LRMDA: variants seen among roughly 807,000 people sequenced by gnomAD.
The protein encoded by LRMDA is leucine-rich melanocyte differentiation-associated protein.
Under a neutral mutation model 29.8 loss-of-function variants are expected in LRMDA, and 18 were observed. That is an observed-to-expected ratio of 0.60 (90% CI 0.42 to 0.90). The LOEUF (loss-of-function observed/expected upper bound fraction) is 0.90. LRMDA is among the 40% of genes least tolerant of loss of function. LRMDA has a pLI of 0.00. For missense variants in LRMDA, 273 were observed against 273.9 expected (o/e 1.00, Z 0.02); for synonymous variants, 125 against 109.4 (o/e 1.14, Z -0.89).
chr10:75,855,019 A>C (rs1844800381), intron 2 of LRMDA, among the ~76,000 whole-genome samples: 2 of 152,188 alleles, frequency 1.3e-5, no homozygotes, highest in Non-Finnish European at 2.9e-5. Flanking sequence ...ATAGTGCTGC[A>C]ATAAACATAC....
At chr10:76,257,061 A>T (rs1852608326) in intron 5 of LRMDA, among the ~76,000 whole-genome samples, 1 of 152,222 alleles carries the variant, frequency 6.6e-6, no homozygotes, top group Non-Finnish European at 1.5e-5. Flanking sequence ...AAAATAAAAT[A>T]CAAACCATGA....
intron 2 of LRMDA, among the ~76,000 whole-genome samples, chr10:75,780,020 G>A (rs549262946): frequency 6.6e-6 from 1 of 152,270 alleles, no homozygotes; most frequent in Admixed American, 6.5e-5. Flanking sequence ...ACAGAGGGAA[G>A]AAGGCCATAT....
At chr10:76,213,331 A>G (rs1851669732) in intron 5 of LRMDA, among the ~76,000 whole-genome samples, 2 of 152,146 alleles carry the variant, frequency 1.3e-5, no homozygotes, top group African/African-American at 4.8e-5. Context: ...TGCCTTGGTA[A>G]TTTTACCCAA....
intron 2 of LRMDA, among the ~76,000 whole-genome samples, chr10:75,752,208 C>CCT (rs1842977693): frequency 8.8e-6 from 1 of 113,136 alleles, no homozygotes; most frequent in South Asian, 2.9e-4. Flanking sequence ...TAACGTGTCT[C>CCT]TTTTTTTTTT....
intron 2 of LRMDA, among the ~76,000 whole-genome samples, chr10:75,952,823 C>T (rs554711999): frequency 1.7e-4 from 26 of 152,064 alleles, no homozygotes; most frequent in African/African-American, 4.6e-4. Flanking sequence ...GTGGTGCTCT[C>T]GGCTCACTGC....
At chr10:75,933,819 G>A (rs1206559953) in intron 2 of LRMDA, among the ~76,000 whole-genome samples, 1 of 152,138 alleles carries the variant, frequency 6.6e-6, no homozygotes, top group Non-Finnish European at 1.5e-5. Context: ...CCTGCTGAAT[G>A]GGCTTTGTTC....
chr10:75,850,047 G>A (rs184387766), intron 2 of LRMDA, among the ~76,000 whole-genome samples: 1 of 152,312 alleles, frequency 6.6e-6, no homozygotes, highest in African/African-American at 2.4e-5. Context: ...AGATCATTAT[G>A]ATGATAAACA....
intron 2 of LRMDA, among the ~76,000 whole-genome samples, chr10:75,943,180 AG>A (rs1846423848): frequency 6.6e-6 from 1 of 151,480 alleles, no homozygotes; most frequent in Non-Finnish European, 1.5e-5. Context: ...AAAAAAAAAA[AG>A]GACTATGAGA....
chr10:75,799,811 A>G (rs2132259819), intron 2 of LRMDA, among the ~76,000 whole-genome samples: 1 of 152,022 alleles, frequency 6.6e-6, no homozygotes. Context: ...GGAGTTTATG[A>G]AAACTTTTTG....
intron 2 of LRMDA, among the ~76,000 whole-genome samples, chr10:75,718,115 T>C (rs1452103705): frequency 6.6e-6 from 1 of 152,198 alleles, no homozygotes; most frequent in Non-Finnish European, 1.5e-5. Context: ...TTCAATCTTA[T>C]TTGCACCATT....
chr10:76,240,256 A>G (rs1852247838), intron 5 of LRMDA, among the ~76,000 whole-genome samples: 1 of 151,444 alleles, frequency 6.6e-6, no homozygotes, highest in African/African-American at 2.4e-5. Context: ...TAACTATAAA[A>G]AGGAATGAAA....
rs141148714 is a variant in LRMDA at position 75,565,580 on chromosome 10, C to T, written c.131+127086C>T. 6.1e-3 allele frequency among the ~76,000 whole-genome samples: 914 copies of T among 150,640 alleles called. 2 individuals carry two copies. The highest frequency in any genetic ancestry group is 0.015 in the Admixed American group (224 of 15,148). ...GATGACTTGGAGGTGCTGAAGTATGCGAGAGAACTGCATTGTGGGAGGAGC... is the reference window on the plus strand; with the variant it reads ...GATGACTTGGAGGTGCTGAAGTATGTGAGAGAACTGCATTGTGGGAGGAGC... On this transcript the variant is annotated intron_variant, in intron 2 of 6. Transcript: ENST00000611255.
intron 5 of LRMDA, among the ~76,000 whole-genome samples, chr10:76,218,972 C>T (rs1270731339): frequency 6.6e-6 from 1 of 152,140 alleles, no homozygotes; most frequent in Admixed American, 6.5e-5. Flanking sequence ...CCAAATACAT[C>T]CAAATACAAA....
intron 5 of LRMDA, among the ~76,000 whole-genome samples, chr10:76,116,819 T>C (rs1849674912): frequency 1.3e-5 from 2 of 152,164 alleles, no homozygotes; most frequent in Non-Finnish European, 2.9e-5. Flanking sequence ...GCCTGGCTTC[T>C]CTTCTTCCAC....
intron 2 of LRMDA, among the ~76,000 whole-genome samples, chr10:75,667,851 A>C (rs1167645568): frequency 1.3e-5 from 2 of 152,206 alleles, no homozygotes; most frequent in Non-Finnish European, 2.9e-5. Context: ...TCATTCTTTA[A>C]AGCAGAGTTT....
chr10:75,772,853 T>C (rs1843259834), intron 2 of LRMDA, among the ~76,000 whole-genome samples: 1 of 18,260 alleles, frequency 5.5e-5, no homozygotes, highest in Non-Finnish European at 1.3e-4. Flanking sequence ...ATTCTTATTT[T>C]TTGGGGGGGG....
rs79944401 is a variant in LRMDA at position 75,979,576 on chromosome 10, A to G, written c.132-56432A>G. ...AGGATAGGGTTAAGTAATTTTCCCA[A>G]CATCCCGTGGGGACCAGCATCAAGG... On this transcript the variant is annotated intron_variant, in intron 2 of 6. Transcript: ENST00000611255. Among the ~76,000 whole-genome samples, 394 of 152,290 alleles carry G rather than the reference A, an allele frequency of 2.6e-3. 11 individuals are homozygous for G. The East Asian group carries it at 0.04, about 15-fold the overall frequency.
At chr10:75,527,626 A>G (rs914172466) in intron 2 of LRMDA, among the ~76,000 whole-genome samples, 2 of 149,694 alleles carry the variant, frequency 1.3e-5, no homozygotes, top group African/African-American at 4.9e-5. Context: ...GAATGGAGGC[A>G]CCAGTAACAT....
At chr10:75,801,919 C>T (rs1327201192) in intron 2 of LRMDA, among the ~76,000 whole-genome samples, 4 of 152,134 alleles carry the variant, frequency 2.6e-5, no homozygotes, top group East Asian at 1.9e-4. Context: ...TTGAGAGCTT[C>T]GTATGTGCTG....
Sources: gnomAD v4.1 joint callset for allele counts (sites outside exome capture counted in the v4.1 genomes callset) on GRCh38, gnomAD v4.1.1 for gene constraint, MANE v1.5 for transcripts, NCBI Gene and HGNC (gene_info 2026-07-23, HGNC 2026-07-21) for gene names.